The following CDH15 variants were observed in gnomAD, a reference collection of about 807,000 sequenced individuals.
The protein encoded by CDH15 is cadherin-15.
Under a neutral mutation model 69.4 loss-of-function variants are expected in CDH15, and 73 were observed. The ratio of observed to expected loss-of-function variants is 1.05; its 90% CI spans 0.87 to 1.28. The LOEUF is 1.28. Ranked by LOEUF, CDH15 falls within the 50% of genes most tolerant of loss-of-function variation. The pLI is 0.00. For synonymous variants in CDH15, 624 were observed against 507.7 expected (o/e 1.23, Z -3.08); for missense variants, 1,343 against 1,133.6 (o/e 1.18, Z -2.65).
At chr16:89,184,435 G>C (rs1356784340) in intron 4 of CDH15, among the ~76,000 whole-genome samples, 1 of 152,174 alleles carries the variant, frequency 6.6e-6, no homozygotes, top group Non-Finnish European at 1.5e-5. Flanking sequence ...TCAGGAGAGG[G>C]AAATGGGGGG....
Position 89,193,836 on chromosome 16 carries a change from C to T in CDH15, c.2074C>T (p.Pro692Ser). ...LGPPPLRRDA[P>S]QGRLHPQPPR... ...ACCGCCGCCACTTCGCAGAGATGCCCCGCAGGGCCGCCTGCACCCCCAGCC... is the reference window on the plus strand; with the variant it reads ...ACCGCCGCCACTTCGCAGAGATGCCTCGCAGGGCCGCCTGCACCCCCAGCC... The change falls in exon 13 of 14, where the codon CCG (proline) becomes TCG (serine). Residue 692 changes from proline to serine, a missense_variant. Coordinates refer to ENST00000289746, the MANE Select transcript of CDH15 (RefSeq NM_004933.3). 6.2e-7 allele frequency: 1 copy of T among 1,610,808 alleles called. No homozygotes were observed. Among genetic ancestry groups the T allele is most frequent in the East Asian group, 2.2e-5 (1 of 44,856 alleles).
At chr16:89,181,503 G>A (rs542889908) in intron 3 of CDH15, among the ~76,000 whole-genome samples, 16 of 152,162 alleles carry the variant, frequency 1.1e-4, no homozygotes, top group Non-Finnish European at 1.8e-4. Flanking sequence ...ATTAGCCAGC[G>A]GTGTTGCTGC....
chr16:89,185,368 G>T (rs58079876), intron 5 of CDH15, 35 bp downstream of exon 5: 5 of 1,563,636 alleles, frequency 3.2e-6, no homozygotes, highest in Admixed American at 3.7e-5. Flanking sequence ...ACACCCGCAC[G>T]GCCAGGGCAG....
intron 6 of CDH15, 140 bp downstream of exon 6, chr16:89,187,697 G>A: frequency 7.9e-7 from 1 of 1,261,290 alleles, no homozygotes; most frequent in Non-Finnish European, 1.1e-6. Flanking sequence ...GTGGGCGGGT[G>A]GAAGCCCAAG....
Position 89,194,886 on chromosome 16 carries a change from C to T in CDH15, c.2176C>T (p.Pro726Ser). ...GGGCTTGGAGGCTGCAGATAGTGAC[C>T]CCAGTGTGCCGCCTTACGACACAGC... is the stretch of plus-strand genomic sequence containing the variant. ...NDGLEAADSD[P>S]SVPPYDTALI... Residue 726 changes from proline to serine, a missense_variant, in exon 14 of 14, where the codon CCC (proline) becomes TCC (serine). By Grantham distance (74) the Pro-to-Ser change is moderately conservative (BLOSUM62 -1). Coordinates refer to ENST00000289746, the MANE Select transcript of CDH15 (RefSeq NM_004933.3). The T allele has an allele frequency of 2.5e-6, 4 of 1,606,732 alleles. No homozygotes were observed. The highest frequency in any genetic ancestry group is 3.4e-6 in the Non-Finnish European group (4 of 1,176,772).
intron 4 of CDH15, among the ~76,000 whole-genome samples, chr16:89,183,897 G>A (rs3785413): frequency 1.3e-5 from 2 of 152,162 alleles, no homozygotes; most frequent in East Asian, 3.8e-4. Context: ...TCTGAGCCTG[G>A]GAGTGGAGGT....
chr16:89,188,238 A>G lies in CDH15; in HGVS notation c.931A>G (p.Ile311Val). The G allele has an allele frequency of 6.2e-7, 1 of 1,613,582 alleles. No homozygotes were observed. The highest frequency in any genetic ancestry group is 8.5e-7 in the Non-Finnish European group (1 of 1,179,956). Residue 311 changes from isoleucine to valine, a missense_variant, in exon 7 of 14, where the codon ATC (isoleucine) becomes GTC (valine). Physicochemically the swap from Ile to Val is conservative, Grantham distance 29. Transcript: ENST00000289746. The part of the protein sequence containing the change: ...LEGDPDGQFT[I>V]RTDPKTNEGV... ...AGGCGACCCCGATGGGCAGTTCACCATCCGCACGGACCCCAAGACCAACGA... is the reference window on the plus strand; with the variant it reads ...AGGCGACCCCGATGGGCAGTTCACCGTCCGCACGGACCCCAAGACCAACGA...
intron 1 of CDH15, among the ~76,000 whole-genome samples, chr16:89,172,224 G>T (rs1413011831): frequency 6.6e-6 from 1 of 152,040 alleles, no homozygotes; most frequent in Non-Finnish European, 1.5e-5. Flanking sequence ...AGAGAGAGGG[G>T]GGAGCGGCAG....
At chr16:89,179,308 G>T (rs765112350) in intron 1 of CDH15, 108 bp from the exon 2 acceptor site, 2 of 1,320,506 alleles carry the variant, frequency 1.5e-6, no homozygotes, top group Admixed American at 1.8e-5. Context: ...GTGGGCTGAG[G>T]GAAACACTGC....
chr16:89,193,634 G>T (rs985688404), intron 12 of CDH15, 28 bp downstream of exon 12: 1 of 1,574,166 alleles, frequency 6.4e-7, no homozygotes, highest in African/African-American at 1.3e-5. Flanking sequence ...GGTGGGGAGG[G>T]GTCCCCAAGG....
chr16:89,191,247 T>G, intron 8 of CDH15, 83 bp from the exon 9 acceptor site: 2 of 1,500,798 alleles, frequency 1.3e-6, no homozygotes, highest in Non-Finnish European at 1.8e-6. Flanking sequence ...GTGTGTGCAG[T>G]GCATGTCACG....
In CDH15 at chr16:89,191,698, C is replaced by A; in HGVS notation, c.1419C>A (p.Ile473=). The A allele has an allele frequency of 1.2e-6, 2 of 1,602,670 alleles. No individual in the cohort carries two copies. The highest frequency in any genetic ancestry group is 1.7e-6 in the Non-Finnish European group (2 of 1,178,482). ...CCACCGGCACCCTGTCCATCGAGAT[C>A]CTGGAGGTGAACGACCATGCACCTG... The part of the protein sequence containing the change: ...RTATGTLSIE[I]LEVNDHAPVL... Residue 473 remains isoleucine, a synonymous_variant, in exon 10 of 14, where the codon ATC becomes ATA. Coordinates refer to ENST00000289746, the MANE Select transcript of CDH15 (RefSeq NM_004933.3).
chr16:89,180,126 GC>G lies in CDH15; in HGVS notation c.202-72del, dbSNP rs1013491723. 1.0e-4 allele frequency: 157 copies of G among 1,536,492 alleles called. No individual in the cohort carries two copies. The African/African-American group carries it at 2.0e-3, about 19-fold the overall frequency. On this transcript the variant is annotated intron_variant, in intron 2 of 13. Coordinates refer to ENST00000289746, the MANE Select transcript of CDH15 (RefSeq NM_004933.3). Reference sequence around the variant, plus strand: ...CTGCCCTGCTGTCAGCTGGGGAGGGGCCTGAGGGGCTGCAGAGAGGGCAGAG... The same window carrying G: ...CTGCCCTGCTGTCAGCTGGGGAGGGGCTGAGGGGCTGCAGAGAGGGCAGAG...
At chr16:89,189,516 G>T (rs1915591237) in intron 7 of CDH15, among the ~76,000 whole-genome samples, 1 of 152,240 alleles carries the variant, frequency 6.6e-6, no homozygotes, top group African/African-American at 2.4e-5. Flanking sequence ...GGAGGGCATG[G>T]AGCCCCCCAG....
At position 89,191,824 on chromosome 16, in the gene CDH15, C is replaced by A. The variant is rs1356612479; in HGVS notation, c.1545C>A (p.Ala515=). ...ATDEDLPPHG[A]PFHFQLSPRL... is the part of the protein sequence containing the mutation. ...ATGAGGACCTGCCCCCCCACGGGGCCCCCTTCCACTTCCAGCTGAGCCCCA... is the reference window on the plus strand; with the variant it reads ...ATGAGGACCTGCCCCCCCACGGGGCACCCTTCCACTTCCAGCTGAGCCCCA... The change falls in exon 10 of 14, where the codon GCC becomes GCA. Residue 515 remains alanine, a synonymous_variant. Transcript: ENST00000289746. 4 of 1,604,052 alleles carry A rather than the reference C, an allele frequency of 2.5e-6. No individual in the cohort carries two copies. The highest frequency in any genetic ancestry group is 2.7e-5 in the African/African-American group (2 of 74,866).
At chr16:89,194,455 G>A (rs1031632544) in intron 13 of CDH15, among the ~76,000 whole-genome samples, 1 of 152,204 alleles carries the variant, frequency 6.6e-6, no homozygotes, top group African/African-American at 2.4e-5. Flanking sequence ...GAGCTGAGAG[G>A]ACAGACATGC....
chr16:89,188,854 C>CTTGG (rs377644317), intron 7 of CDH15, among the ~76,000 whole-genome samples: 2 of 91,014 alleles, frequency 2.2e-5, no homozygotes, highest in Admixed American at 1.2e-4. Flanking sequence ...ACACAGATGC[C>CTTGG]CACGCACAGG....
intron 4 of CDH15, 131 bp downstream of exon 4, chr16:89,183,823 A>G (rs1915428216): frequency 1.0e-6 from 1 of 984,878 alleles, no homozygotes; most frequent in Non-Finnish European, 1.5e-6. Context: ...TCTCCGAGGC[A>G]GGTCCGTTTC....
At position 89,171,783 on chromosome 16, in the gene CDH15, C is replaced by T; in HGVS notation, c.-49C>T. 1 of 1,537,594 alleles carries T rather than the reference C, an allele frequency of 6.5e-7. No homozygotes were observed. The highest frequency in any genetic ancestry group is 8.7e-7 in the Non-Finnish European group (1 of 1,143,778). On this transcript the variant is annotated 5_prime_UTR_variant, in exon 1 of 14. Coordinates refer to ENST00000289746, the MANE Select transcript of CDH15 (RefSeq NM_004933.3). ...TGCGCTGTCACTCAGCCTGGACGCG[C>T]TTCTTCGGGTCGCGGGTGCACTCCG...
Sources: gnomAD v4.1 joint callset for allele counts (sites outside exome capture counted in the v4.1 genomes callset) on GRCh38, gnomAD v4.1.1 for gene constraint, MANE v1.5 for transcripts, NCBI Gene and HGNC (gene_info 2026-07-23, HGNC 2026-07-21) for gene names.